Variants in TNS1 observed in about 807,000 individuals in gnomAD.
TNS1 encodes the protein tensin 1, also known as tensin-1.
TNS1 carries 62 observed loss-of-function variants against 168.6 expected under a neutral mutation model. The ratio of observed to expected loss-of-function variants is 0.37; its 90% CI spans 0.30 to 0.45. The LOEUF is 0.45. TNS1 is among the 20% of genes least tolerant of loss of function. TNS1 has a pLI of 1.00. For missense variants in TNS1, 2,240 were observed against 2,339.4 expected (o/e 0.96, Z 0.88); for synonymous variants, 934 against 933.2 (o/e 1.00, Z -0.02).
intron 18 of TNS1, among the ~76,000 whole-genome samples, chr2:217,866,334 A>C (rs1382256757): frequency 6.6e-6 from 1 of 152,334 alleles, no homozygotes; most frequent in East Asian, 1.9e-4. Context: ...CCTCAAGGAT[A>C]CAACTCAGAG....
intron 18 of TNS1, among the ~76,000 whole-genome samples, chr2:217,878,604 G>A (rs1474997195): frequency 6.6e-6 from 1 of 152,146 alleles, no homozygotes; most frequent in African/African-American, 2.4e-5. Flanking sequence ...TGTCTTGCAG[G>A]CGCCTGACAC....
chr2:217,993,064 G>A lies in TNS1; in HGVS notation c.34-2008C>T, dbSNP rs535064888. On this transcript the variant is annotated intron_variant, in intron 1 of 32. Transcript: ENST00000682258. The stretch of plus-strand genomic sequence containing the variant: ...CCTGTTACAGTTCCCAGCCTACAGC[G>A]TTCAGTACAGTGACATGCTGTGCGG... Among the ~76,000 whole-genome samples the A allele has an allele frequency of 1.1e-3, 174 of 152,254 alleles. 2 individuals carry two copies. The South Asian group carries it at 0.015, about 13-fold the overall frequency.
intron 3 of TNS1, among the ~76,000 whole-genome samples, chr2:217,920,492 C>A (rs1380420489): frequency 2.0e-5 from 3 of 151,422 alleles, no homozygotes; most frequent in Non-Finnish European, 4.4e-5. Context: ...GACAAATATG[C>A]ACATGCTGGG....
chr2:217,831,543 C>T lies in TNS1; in HGVS notation c.3285G>A (p.Arg1095=), dbSNP rs756612140. 1 of 1,513,858 alleles carries T rather than the reference C, an allele frequency of 6.6e-7. No homozygotes were observed. The highest frequency in any genetic ancestry group is 1.3e-5 in the South Asian group (1 of 74,840). 93.8% of individuals were successfully genotyped at this position (1,513,858 alleles called of 1,614,324 possible). A position where few individuals can be genotyped will look rare whatever the true frequency, so the allele number is the denominator to read the frequency against. ...GTGTCTTGGCCAGACCCGGGGGGGACCGCACTGTGCCAGGAAGAAGAGGGG... is the reference window on the plus strand; with the variant it reads ...GTGTCTTGGCCAGACCCGGGGGGGATCGCACTGTGCCAGGAAGAAGAGGGG... ...SPSSPPPSGV[R]SPPGLAKTPL... The change falls in exon 22 of 33, where the codon CGG becomes CGA. Residue 1095 remains arginine, a synonymous_variant. Coordinates refer to ENST00000682258, the MANE Select transcript of TNS1 (RefSeq NM_001387777.1).
chr2:217,831,676 GC>G, intron 21 of TNS1, 129 bp from the exon 22 acceptor site: 1 of 615,186 alleles, frequency 1.6e-6, no homozygotes, highest in Non-Finnish European at 2.5e-6. Context: ...CCACCCTGAG[GC>G]CCAGCGCTTT....
chr2:217,848,304 G>C lies in TNS1; in HGVS notation c.2213C>G (p.Pro738Arg), dbSNP rs748553264. 2 of 1,540,730 alleles carry C rather than the reference G, an allele frequency of 1.3e-6. No individual in the cohort carries two copies. Among genetic ancestry groups the C allele is most frequent in the Admixed American group, 2.0e-5 (1 of 50,482 alleles). ...GGATTGAGAGCGGAACATACCGCTGGGGTCATGGGCATAGTGGGAGGTGGT... is the reference window on the plus strand; with the variant it reads ...GGATTGAGAGCGGAACATACCGCTGCGGTCATGGGCATAGTGGGAGGTGGT... ...PVTTSHYAHDPSGMFRSQSFS... is the reference protein window; with the variant it reads ...PVTTSHYAHDRSGMFRSQSFS... The change falls in exon 19 of 33, where the codon CCC becomes CGC. Residue 738 changes from proline (P) to arginine (R), a missense_variant. Pro to Arg is a moderately radical substitution (Grantham distance 103). This residue lies in a region of TNS1 where 2,131 missense variants were observed against 2,171.2 expected (regional missense o/e 0.98). Coordinates refer to ENST00000682258, the MANE Select transcript of TNS1 (RefSeq NM_001387777.1).
intron 19 of TNS1, among the ~76,000 whole-genome samples, chr2:217,840,116 A>C (rs184131645): frequency 5.3e-5 from 8 of 152,306 alleles, no homozygotes; most frequent in African/African-American, 1.9e-4. Flanking sequence ...GACTGGGAGA[A>C]GAAGGGACCA....
At chr2:217,942,106 C>A (rs957701844) in intron 3 of TNS1, among the ~76,000 whole-genome samples, 4 of 152,230 alleles carry the variant, frequency 2.6e-5, no homozygotes, top group African/African-American at 7.2e-5. Context: ...AAATTCTTCA[C>A]TGGGGCCTTG....
At chr2:217,833,659 A>G (rs1574700900) in intron 21 of TNS1, among the ~76,000 whole-genome samples, 1 of 152,224 alleles carries the variant, frequency 6.6e-6, no homozygotes, top group South Asian at 2.1e-4. Context: ...CTCTCACGTA[A>G]CCTGCTCTAG....
intron 18 of TNS1, among the ~76,000 whole-genome samples, chr2:217,851,014 C>T (rs984236500): frequency 6.6e-6 from 1 of 152,124 alleles, no homozygotes; most frequent in Non-Finnish European, 1.5e-5. Flanking sequence ...AGAGGGGAAA[C>T]CATTTATGTG....
intron 19 of TNS1, among the ~76,000 whole-genome samples, chr2:217,837,934 C>T (rs1225410581): frequency 6.6e-6 from 1 of 152,222 alleles, no homozygotes; most frequent in African/African-American, 2.4e-5. Flanking sequence ...CCCCGGAGCC[C>T]CCATCCCACT....
chr2:217,845,030 G>A (rs12474617), intron 19 of TNS1, among the ~76,000 whole-genome samples: 60,997 of 152,150 alleles, frequency 0.4, 13,220 homozygotes, highest in African/African-American at 0.59. Context: ...TGTGATGTAT[G>A]CTATAAATTT....
At chr2:217,941,000 C>A (rs1956882367) in intron 3 of TNS1, among the ~76,000 whole-genome samples, 1 of 152,210 alleles carries the variant, frequency 6.6e-6, no homozygotes, top group Non-Finnish European at 1.5e-5. Flanking sequence ...CCCTTGAGAG[C>A]AACTGCCTTG....
At chr2:217,870,608 G>A (rs186567524) in intron 18 of TNS1, among the ~76,000 whole-genome samples, 127 of 152,258 alleles carry the variant, frequency 8.3e-4, no homozygotes, top group African/African-American at 2.9e-3. Flanking sequence ...CCCCTGCCTC[G>A]ATCTGGATAT....
chr2:218,022,311 G>A (rs901835145), intron 1 of TNS1, among the ~76,000 whole-genome samples: 20 of 152,104 alleles, frequency 1.3e-4, no homozygotes, highest in African/African-American at 4.8e-4. Flanking sequence ...ACCCCACCAT[G>A]CCCAGGCCTG....
intron 22 of TNS1, chr2:217,829,700 C>G: frequency 1.1e-6 from 1 of 902,738 alleles, no homozygotes; most frequent in Admixed American, 2.0e-5. Flanking sequence ...CATCACCAAG[C>G]GTTGGGGGAC....
At position 218,032,846 on chromosome 2, in the gene TNS1, C is replaced by T. The variant is rs1958908650; in HGVS notation, c.156+974G>A. Reference sequence around the variant, plus strand: ...CGAGCTCCAGGCTCTCTCCAGAGGCCGCTTAGAAACCAGCTCATCTGATGC... The same window carrying T: ...CGAGCTCCAGGCTCTCTCCAGAGGCTGCTTAGAAACCAGCTCATCTGATGC... On this transcript the variant is annotated intron_variant, in intron 1 of 1. Coordinates refer to the TNS1 transcript ENST00000649572. This position sits in a 1 kb window ranked among gnomAD's most constrained non-coding sequence, Gnocchi z 4.0. Among the ~76,000 whole-genome samples the T allele has an allele frequency of 6.6e-6, 1 of 152,104 alleles. No individual in the cohort carries two copies.
intron 19 of TNS1, among the ~76,000 whole-genome samples, chr2:217,839,247 G>T (rs1945603929): frequency 6.6e-6 from 1 of 152,124 alleles, no homozygotes; most frequent in Non-Finnish European, 1.5e-5. Flanking sequence ...GAAGGCTGGG[G>T]TACCCTTATG....
At chr2:217,956,292 C>A (rs368331507) in intron 3 of TNS1, among the ~76,000 whole-genome samples, 1 of 152,084 alleles carries the variant, frequency 6.6e-6, no homozygotes, top group Non-Finnish European at 1.5e-5. Flanking sequence ...CATGAGCCAC[C>A]GCACCCGGCC....
Sources: gnomAD v4.1 joint callset for allele counts (sites outside exome capture counted in the v4.1 genomes callset) on GRCh38, gnomAD v4.1.1 for gene constraint, gnomAD v4.1.1 regional missense constraint, Gnocchi (gnomAD v3.1) non-coding constraint, MANE v1.5 for transcripts, NCBI Gene and HGNC (gene_info 2026-07-23, HGNC 2026-07-21) for gene names.